The following FAM153A variants were observed in gnomAD, a reference collection of about 807,000 sequenced individuals.
FAM153A encodes the protein protein FAM153A.
A neutral mutation model predicts 48.1 loss-of-function variants in FAM153A; 12 were observed. That is an observed-to-expected ratio of 0.25 (90% CI 0.16 to 0.40). FAM153A has a LOEUF of 0.40. FAM153A is among the 10% of genes least tolerant of loss of function. FAM153A has a pLI of 1.00. For synonymous variants in FAM153A, 36 were observed against 118.2 expected (o/e 0.30, Z 4.51); for missense variants, 111 against 345.8 (o/e 0.32, Z 5.38).
downstream of FAM153A, among the ~76,000 whole-genome samples, chr5:177,720,691 GAA>G (rs1314668027): frequency 2.2e-5 from 2 of 89,970 alleles, 1 homozygote; most frequent in Non-Finnish European, 4.4e-5. Context: ...CAGGTAGGAA[GAA>G]AAGAGGAGGA....
downstream of FAM153A, among the ~76,000 whole-genome samples, chr5:177,704,926 G>A (rs1185214883): frequency 4.0e-5 from 6 of 151,320 alleles, no homozygotes; most frequent in Non-Finnish European, 7.4e-5. Flanking sequence ...GCTTGAACCC[G>A]GGAGGTGGAG....
At chr5:177,698,859 T>C in the FAM153A span, among the ~76,000 whole-genome samples, 1 of 151,994 alleles carries the variant, frequency 6.6e-6, no homozygotes, top group Admixed American at 6.5e-5. Flanking sequence ...GCTTTCGCCA[T>C]GTTGCCCAGG....
intron 16 of FAM153A, among the ~76,000 whole-genome samples, chr5:177,730,490 G>A (rs1476492541): frequency 2.5e-5 from 3 of 120,254 alleles, no homozygotes; most frequent in African/African-American, 8.3e-5. Flanking sequence ...CCAAAAGCCT[G>A]AGGACTCTGT....
At chr5:177,756,552 C>T (rs1468269432), upstream of FAM153A, among the ~76,000 whole-genome samples, 3 of 141,718 alleles carry the variant, frequency 2.1e-5, no homozygotes, top group East Asian at 2.0e-4. Context: ...AGCACCACAT[C>T]ACACTTATTC....
At chr5:177,749,247 C>T (rs992637799) in intron 2 of FAM153A, among the ~76,000 whole-genome samples, 10 of 151,422 alleles carry the variant, frequency 6.6e-5, no homozygotes, top group Non-Finnish European at 1.5e-5. Flanking sequence ...GTCTTACTTC[C>T]CACCTTAGGA....
At chr5:177,700,814 C>T in the FAM153A span, among the ~76,000 whole-genome samples, 39,201 of 151,562 alleles carry the variant, frequency 0.26, 5,881 homozygotes, top group South Asian at 0.38. Flanking sequence ...AACAAAACAC[C>T]TCAGTTGCAG....
At chr5:177,746,656 CTG>C (rs1247833946) in intron 4 of FAM153A, among the ~76,000 whole-genome samples, 4 of 149,262 alleles carry the variant, frequency 2.7e-5, no homozygotes, top group Non-Finnish European at 4.5e-5. Flanking sequence ...TCTTTTAACA[CTG>C]TGTGTGTGTG....
chr5:177,743,828 G>A (rs1765695054), intron 6 of FAM153A, among the ~76,000 whole-genome samples: 1 of 20,904 alleles, frequency 4.8e-5, no homozygotes, highest in Admixed American at 5.5e-4. Context: ...AGAAAATAAA[G>A]TATAGCAGGG....
At chr5:177,711,242 A>C (rs1758421609) in exon 27 of FAM153A, 1 of 151,846 alleles carries the variant, frequency 6.6e-6, no homozygotes, top group African/African-American at 2.4e-5. Flanking sequence ...TCTTGTGTAA[A>C]ATTTTAATTT....
At chr5:177,766,322 C>G (rs1356681505) in intron 1 of FAM153A, among the ~76,000 whole-genome samples, 4 of 96,022 alleles carry the variant, frequency 4.2e-5, no homozygotes, top group Middle Eastern at 4.8e-3. Flanking sequence ...GGTTAAAGTA[C>G]TAGAGGTTAT....
intron 1 of FAM153A, among the ~76,000 whole-genome samples, chr5:177,752,642 A>T (rs1171502318): frequency 5.7e-5 from 6 of 105,546 alleles, no homozygotes; most frequent in African/African-American, 2.3e-4. Context: ...AAAAAAAAAA[A>T]GAAAAGTCCA....
intron 1 of FAM153A, among the ~76,000 whole-genome samples, chr5:177,758,285 T>C (rs56111346): frequency 7.8e-6 from 1 of 128,266 alleles, no homozygotes; most frequent in Non-Finnish European, 1.8e-5. Flanking sequence ...GAAGGGTCTC[T>C]TCAAGGAGAA....
At position 177,732,637 on chromosome 5, in the gene FAM153A, A is replaced by G. The variant is rs1764028917; in HGVS notation, c.761-537T>C. The stretch of plus-strand genomic sequence containing the variant: ...GGGATTCTCCAGTGTCAGCCTCCTG[A>G]GTAGCTAGGATTACAGGCATGCATC... On this transcript the variant is annotated intron_variant, in intron 14 of 20. Coordinates refer to ENST00000614127, the Ensembl canonical transcript of FAM153A. Among the ~76,000 whole-genome samples, 8 of 93,186 alleles carry G rather than the reference A, an allele frequency of 8.6e-5. 2 individuals carry two copies. In the South Asian group the frequency reaches 3.1e-3, roughly 37 times the overall value. 61.1% of individuals were successfully genotyped at this position (93,186 alleles called of 152,430 possible).
At chr5:177,766,007 C>G (rs1391893925) in intron 1 of FAM153A, among the ~76,000 whole-genome samples, 2 of 107,320 alleles carry the variant, frequency 1.9e-5, no homozygotes, top group East Asian at 6.7e-4. Context: ...ATCCCAGCTA[C>G]TCAGGAGGCT....
chr5:177,709,019 C>CG (rs935968882), downstream of FAM153A, among the ~76,000 whole-genome samples: 1 of 135,446 alleles, frequency 7.4e-6, no homozygotes, highest in Non-Finnish European at 1.5e-5. Context: ...CACTTGAACC[C>CG]GGGGGGCAGA....
At chr5:177,755,443 G>A (rs544284389), upstream of FAM153A, among the ~76,000 whole-genome samples, 192 of 151,792 alleles carry the variant, frequency 1.3e-3, 5 homozygotes, top group African/African-American at 4.5e-3. Context: ...TTCCCCAATC[G>A]AGCAAGGCAG....
downstream of FAM153A, among the ~76,000 whole-genome samples, chr5:177,703,038 A>G (rs1481116459): frequency 3.3e-5 from 5 of 152,070 alleles, no homozygotes; most frequent in Non-Finnish European, 7.3e-5. Flanking sequence ...AACACTTCCT[A>G]GTGGAGCTGT....
chr5:177,697,087 C>T, the FAM153A span, among the ~76,000 whole-genome samples: 1 of 151,704 alleles, frequency 6.6e-6, no homozygotes, highest in Non-Finnish European at 1.5e-5. Flanking sequence ...TGGATGTCCC[C>T]TCATTTATTT....
chr5:177,697,794 G>C, the FAM153A span, among the ~76,000 whole-genome samples: 1 of 151,750 alleles, frequency 6.6e-6, no homozygotes, highest in African/African-American at 2.4e-5. Flanking sequence ...TCTGGGGGAA[G>C]ATCAGGGCTG....
Sources: allele counts gnomAD v4.1 joint callset (sites outside exome capture counted in the v4.1 genomes callset), GRCh38; gene constraint gnomAD v4.1.1; transcripts MANE v1.5; gene names NCBI Gene and HGNC (gene_info 2026-07-23, HGNC 2026-07-21).